The following PRSS35 variants were observed in gnomAD, a reference collection of about 807,000 sequenced individuals.
The protein encoded by PRSS35 is serine protease 35.
PRSS35 carries 7 observed loss-of-function variants against 8.1 expected under a neutral mutation model. That is an observed-to-expected ratio of 0.86 (90% CI 0.49 to 1.62). The LOEUF (loss-of-function observed/expected upper bound fraction) is 1.62. PRSS35 is among the 40% of genes most tolerant of loss of function. The probability of loss-of-function intolerance (pLI) is 0.00; values close to 1 mark genes in which losing one functional copy is unlikely to be tolerated. For synonymous variants in PRSS35, 199 were observed against 188.7 expected (o/e 1.05, Z -0.45); for missense variants, 566 against 518.0 (o/e 1.09, Z -0.90).
At position 83,524,466 on chromosome 6, in the gene PRSS35, AG is replaced by A; in HGVS notation, c.1026del (p.Glu342AspfsTer13). 1 of 1,614,142 alleles carries A rather than the reference AG, an allele frequency of 6.2e-7. No individual in the cohort carries two copies. The highest frequency in any genetic ancestry group is 8.5e-7 in the Non-Finnish European group (1 of 1,180,022). On this transcript the variant is annotated frameshift_variant, in exon 2 of 2. Coordinates refer to ENST00000369700, the MANE Select transcript of PRSS35 (RefSeq NM_153362.3). LOFTEE classifies it high-confidence loss of function. ...NDLLYQYCDA[E>X]SGSTGSGVYL... ...CTCCTTTACCAATACTGCGATGCTG[AG>A]TCGGGCTCCACCGGTTCGGGGGTCT...
In PRSS35 at chr6:83,524,748, G is replaced by A. The variant is rs1771907106; in HGVS notation, c.*65G>A. On this transcript the variant is annotated 3_prime_UTR_variant, in exon 2 of 2. Coordinates refer to ENST00000369700, the MANE Select transcript of PRSS35 (RefSeq NM_153362.3). ...GAGAAAACCAGCTCTGCTTACCGTAGTGAGATCACTTCATAGGTTATGCCT... is the reference window on the plus strand; with the variant it reads ...GAGAAAACCAGCTCTGCTTACCGTAATGAGATCACTTCATAGGTTATGCCT... 8.2e-6 allele frequency: 12 copies of A among 1,464,754 alleles called. No homozygotes were observed. Among genetic ancestry groups the A allele is most frequent in the East Asian group, 2.3e-5 (1 of 43,432 alleles). 90.7% of individuals were successfully genotyped at this position (1,464,754 alleles called of 1,614,324 possible).
chr6:83,514,141 G>A (rs1435785923), intron 1 of PRSS35, among the ~76,000 whole-genome samples: 1 of 152,148 alleles, frequency 6.6e-6, no homozygotes, highest in Admixed American at 6.6e-5. Flanking sequence ...TGTGACCATA[G>A]ATGCTTTAAA....
Position 83,523,405 on chromosome 6 carries a change from C to A in PRSS35, c.-20-17C>A. The A allele has an allele frequency of 6.4e-7, 1 of 1,558,310 alleles. No homozygotes were observed. Among genetic ancestry groups the A allele is most frequent in the Non-Finnish European group, 8.7e-7 (1 of 1,146,888 alleles). The stretch of plus-strand genomic sequence containing the variant: ...AAAAGGAAACATTATAAACCTCTCT[C>A]TTTTTCTATTTTTAAGGACAAAATT... On this transcript the variant is annotated splice_polypyrimidine_tract_variant and intron_variant, in intron 1 of 1. Transcript: ENST00000369700.
At chr6:83,514,463 C>T (rs1771676956) in intron 1 of PRSS35, among the ~76,000 whole-genome samples, 2 of 152,156 alleles carry the variant, frequency 1.3e-5, no homozygotes, top group South Asian at 4.1e-4. Context: ...TCCTTTCCCT[C>T]AAGTACTGCC....
intron 1 of PRSS35, 96 bp downstream of exon 1, chr6:83,512,790 T>C (rs886500108): frequency 5.3e-5 from 8 of 152,188 alleles, no homozygotes; most frequent in Non-Finnish European, 1.0e-4. Flanking sequence ...TTGAAGGACT[T>C]TGAAGAAAGG....
At chr6:83,518,100 C>A (rs1191146483) in intron 1 of PRSS35, among the ~76,000 whole-genome samples, 1 of 152,184 alleles carries the variant, frequency 6.6e-6, no homozygotes, top group Non-Finnish European at 1.5e-5. Context: ...AAGTCAGCAT[C>A]TTTGCTTTCT....
intron 1 of PRSS35, among the ~76,000 whole-genome samples, chr6:83,516,764 T>A (rs1392209796): frequency 1.3e-5 from 2 of 152,146 alleles, no homozygotes; most frequent in African/African-American, 2.4e-5. Flanking sequence ...CCTCAGCTCA[T>A]GATCCTGCAT....
At chr6:83,513,714 C>T (rs1170115529) in intron 1 of PRSS35, among the ~76,000 whole-genome samples, 1 of 152,192 alleles carries the variant, frequency 6.6e-6, no homozygotes, top group Non-Finnish European at 1.5e-5. Context: ...GATGTGGATA[C>T]TGTACCCCAT....
intron 1 of PRSS35, among the ~76,000 whole-genome samples, chr6:83,519,040 C>T (rs564349501): frequency 7.9e-4 from 120 of 152,270 alleles, no homozygotes; most frequent in African/African-American, 2.8e-3. Flanking sequence ...TACAGATACA[C>T]AAATATTCTC....
rs1771911356 is a variant in PRSS35 at position 83,524,921 on chromosome 6, T to C, written c.*238T>C. On this transcript the variant is annotated 3_prime_UTR_variant, in exon 2 of 2. Coordinates refer to ENST00000369700, the MANE Select transcript of PRSS35 (RefSeq NM_153362.3). The stretch of plus-strand genomic sequence containing the variant: ...CTTCTTTACATGGTGATGAGTTTCA[T>C]TTGTAGAAAAATTTTGTTGCCTTCT... The C allele has an allele frequency of 2.3e-6, 1 of 444,184 alleles. No homozygotes were observed. The highest frequency in any genetic ancestry group is 2.0e-5 in the African/African-American group (1 of 49,266). 27.5% of individuals were successfully genotyped at this position (444,184 alleles called of 1,614,324 possible). A position where few individuals can be genotyped will look rare whatever the true frequency, so the allele number is the denominator to read the frequency against.
At position 83,524,531 on chromosome 6, in the gene PRSS35, C is replaced by A. The variant is rs758536096; in HGVS notation, c.1090C>A (p.Arg364Ser). 6.2e-7 allele frequency: 1 copy of A among 1,614,102 alleles called. No homozygotes were observed. The highest frequency in any genetic ancestry group is 1.1e-5 in the South Asian group (1 of 91,078). The change falls in exon 2 of 2, where the codon CGC becomes AGC. Residue 364 changes from arginine (R) to serine (S), a missense_variant. Transcript: ENST00000369700. The part of the protein sequence containing the change: ...LKDPDKKNWK[R>S]KIIAVYSGHQ... Reference sequence around the variant, plus strand: ...AGATCCAGACAAAAAGAATTGGAAGCGCAAAATCATTGCGGTCTACTCAGG... The same window carrying A: ...AGATCCAGACAAAAAGAATTGGAAGAGCAAAATCATTGCGGTCTACTCAGG...
At position 83,523,430 on chromosome 6, in the gene PRSS35, T is replaced by G; in HGVS notation, c.-12T>G. The G allele has an allele frequency of 1.3e-6, 2 of 1,598,232 alleles. No individual in the cohort carries two copies. Among genetic ancestry groups the G allele is most frequent in the Non-Finnish European group, 1.7e-6 (2 of 1,173,478 alleles). ...CTTTTTCTATTTTTAAGGACAAAATTAGAAGATCAAAATGGAAAATATGCT... is the reference window on the plus strand; with the variant it reads ...CTTTTTCTATTTTTAAGGACAAAATGAGAAGATCAAAATGGAAAATATGCT... On this transcript the variant is annotated 5_prime_UTR_variant, in exon 2 of 2. In the 5' UTR this introduces an upstream ATG that the reference lacks. Coordinates refer to ENST00000369700, the MANE Select transcript of PRSS35 (RefSeq NM_153362.3).
At chr6:83,519,518 T>C (rs1256915959) in intron 1 of PRSS35, among the ~76,000 whole-genome samples, 1 of 150,878 alleles carries the variant, frequency 6.6e-6, no homozygotes, top group African/African-American at 2.4e-5. Context: ...TTAGTCCTTT[T>C]TGGATAATGG....
chr6:83,517,987 C>A (rs1771753386), intron 1 of PRSS35, among the ~76,000 whole-genome samples: 1 of 152,134 alleles, frequency 6.6e-6, no homozygotes, highest in South Asian at 2.1e-4. Flanking sequence ...TGGACAAGTA[C>A]CTCACTAGAC....
chr6:83,521,512 C>G (rs1448896116), intron 1 of PRSS35, among the ~76,000 whole-genome samples: 1 of 148,912 alleles, frequency 6.7e-6, no homozygotes, highest in Non-Finnish European at 1.5e-5. Context: ...CCTCACCTCC[C>G]CCCCTCCTCT....
chr6:83,523,381 A>G, intron 1 of PRSS35, 41 bp from the exon 2 acceptor site: 1 of 1,454,508 alleles, frequency 6.9e-7, no homozygotes, highest in Non-Finnish European at 9.3e-7. Context: ...TAAGATTTAA[A>G]AAGGAAACAT....
rs1771898231 is a variant in PRSS35, at chr6:83,524,484, CG to C, written c.1048del (p.Val350SerfsTer5). ...GATGCTGAGTCGGGCTCCACCGGTT[CG>C]GGGGTCTATCTGCGTCTGAAAGATC... ...YCDAESGSTG[S>X]GVYLRLKDPD... On this transcript the variant is annotated frameshift_variant, in exon 2 of 2. Transcript: ENST00000369700. LOFTEE classifies it high-confidence loss of function. 2 of 1,614,074 alleles carry C rather than the reference CG, an allele frequency of 1.2e-6. No individual in the cohort carries two copies. The highest frequency in any genetic ancestry group is 1.7e-6 in the Non-Finnish European group (2 of 1,180,010).
At chr6:83,516,661 TAAAAC>T (rs138462420) in intron 1 of PRSS35, among the ~76,000 whole-genome samples, 87,755 of 150,916 alleles carry the variant, frequency 0.58, 25,652 homozygotes, top group Admixed American at 0.67. Flanking sequence ...ATATTTTTCT[TAAAAC>T]AACACATTTT....
Position 83,523,620 on chromosome 6 carries a change from C to A in PRSS35, c.179C>A (p.Thr60Lys), listed in dbSNP as rs750171997. The change falls in exon 2 of 2, where the codon ACA (threonine) becomes AAA (lysine). Residue 60 changes from threonine to lysine, a missense_variant. Thr to Lys is a moderately conservative substitution (Grantham distance 78). Coordinates refer to ENST00000369700, the MANE Select transcript of PRSS35 (RefSeq NM_153362.3). ...FEADAKMMVN[T>K]VCGIECQKEL... ...GCAGATGCTAAGATGATGGTAAATA[C>A]AGTGTGTGGCATCGAATGCCAGAAA... is the stretch of plus-strand genomic sequence containing the variant. 1.9e-6 allele frequency: 3 copies of A among 1,614,178 alleles called. No homozygotes were observed. The East Asian group carries it at 6.7e-5, about 36-fold the overall frequency.
Sources: allele counts gnomAD v4.1 joint callset (sites outside exome capture counted in the v4.1 genomes callset), GRCh38; gene constraint gnomAD v4.1.1; transcripts MANE v1.5; gene names NCBI Gene and HGNC (gene_info 2026-07-23, HGNC 2026-07-21).